Variants in TRIM55 observed in about 807,000 individuals in gnomAD.
TRIM55 encodes the protein tripartite motif containing 55.
TRIM55 carries 50 observed loss-of-function variants against 60.9 expected under a neutral mutation model. That is an observed-to-expected ratio of 0.82 (90% confidence interval 0.65 to 1.04). The LOEUF is 1.04. TRIM55 is among the 50% of genes least tolerant of loss of function. The pLI is 0.00. For missense variants in TRIM55, 681 were observed against 666.9 expected (o/e 1.02, Z -0.23); for synonymous variants, 237 against 238.1 (o/e 1.00, Z 0.04).
chr8:66,131,952 G>A (rs1272442081), intron 2 of TRIM55, among the ~76,000 whole-genome samples: 2 of 152,052 alleles, frequency 1.3e-5, no homozygotes, highest in African/African-American at 4.8e-5. Context: ...ATTTCACTGG[G>A]ATTTCAGCAG....
upstream of TRIM55, among the ~76,000 whole-genome samples, chr8:66,126,709 C>T (rs980894595): frequency 6.6e-6 from 1 of 152,092 alleles, no homozygotes; most frequent in African/African-American, 2.4e-5. Context: ...ATGTTTTGTT[C>T]ATTTTCACCT....
chr8:66,169,685 T>C (rs1480410732), intron 9 of TRIM55, among the ~76,000 whole-genome samples: 1 of 152,126 alleles, frequency 6.6e-6, no homozygotes, highest in Non-Finnish European at 1.5e-5. Context: ...AGCACAAAGA[T>C]AAATGGCAAC....
intron 4 of TRIM55, among the ~76,000 whole-genome samples, chr8:66,147,462 G>A (rs1258859936): frequency 6.6e-6 from 1 of 151,942 alleles, no homozygotes; most frequent in Non-Finnish European, 1.5e-5. Flanking sequence ...TCCATACTGA[G>A]AATAGTAGAG....
chr8:66,124,099 G>A (rs1229828443), upstream of TRIM55, among the ~76,000 whole-genome samples: 3 of 152,078 alleles, frequency 2.0e-5, no homozygotes, highest in Non-Finnish European at 4.4e-5. Flanking sequence ...TCATCTGTGT[G>A]GATTCTACTT....
At chr8:66,117,900 C>G in the TRIM55 span, among the ~76,000 whole-genome samples, 1 of 151,950 alleles carries the variant, frequency 6.6e-6, no homozygotes, top group Non-Finnish European at 1.5e-5. Context: ...GGCACGGTGG[C>G]TCAAGCCTGT....
chr8:66,169,799 C>G (rs577250233), intron 9 of TRIM55, among the ~76,000 whole-genome samples: 5 of 152,186 alleles, frequency 3.3e-5, no homozygotes, highest in Admixed American at 6.5e-5. Flanking sequence ...AGGCACAACA[C>G]TGCTTAGCTC....
At chr8:66,114,280 T>C in the TRIM55 span, among the ~76,000 whole-genome samples, 1 of 152,104 alleles carries the variant, frequency 6.6e-6, no homozygotes, top group Non-Finnish European at 1.5e-5. Flanking sequence ...TCCTGTCCCG[T>C]ACGGTTTTTC....
At chr8:66,164,650 G>A (rs1730454728) in intron 9 of TRIM55, among the ~76,000 whole-genome samples, 1 of 152,146 alleles carries the variant, frequency 6.6e-6, no homozygotes, top group Non-Finnish European at 1.5e-5. Context: ...CTCAGAGACA[G>A]CCTCAGGAAC....
At chr8:66,144,640 G>A (rs1302210242) in intron 4 of TRIM55, among the ~76,000 whole-genome samples, 3 of 152,174 alleles carry the variant, frequency 2.0e-5, no homozygotes, top group East Asian at 1.9e-4. Flanking sequence ...AGATAAACTC[G>A]AAAGCTCAAA....
intron 2 of TRIM55, among the ~76,000 whole-genome samples, chr8:66,130,196 C>T (rs915607574): frequency 1.3e-5 from 2 of 152,198 alleles, no homozygotes; most frequent in Admixed American, 6.5e-5. Flanking sequence ...ATGAAGTTGG[C>T]TTGGTGCAGC....
At chr8:66,137,370 A>G (rs543905398) in intron 4 of TRIM55, among the ~76,000 whole-genome samples, 180 bp downstream of exon 4, 2 of 152,332 alleles carry the variant, frequency 1.3e-5, no homozygotes, top group East Asian at 3.9e-4. Context: ...ACATTATCAC[A>G]TGAGTCACTG....
Position 66,153,919 on chromosome 8 carries a change from G to A in TRIM55, c.1237-128G>A, listed in dbSNP as rs867794459. 1.9e-5 allele frequency: 16 copies of A among 862,790 alleles called. 1 individual carries two copies. The Admixed American group carries it at 2.0e-4, about 11-fold the overall frequency. The allele number at this position is 862,790 out of a possible 1,614,324, so 53.4% of individuals were successfully genotyped here. A position where few individuals can be genotyped will look rare whatever the true frequency, so the allele number is the denominator to read the frequency against. On this transcript the variant is annotated intron_variant, in intron 8 of 9. Transcript: ENST00000315962. ...TCTGGAGGGTGGGATGAACTAAAACGGCCACCAAGGCACTGCATGCAGGGA... is the reference window on the plus strand; with the variant it reads ...TCTGGAGGGTGGGATGAACTAAAACAGCCACCAAGGCACTGCATGCAGGGA...
At chr8:66,137,214 G>T in intron 4 of TRIM55, 24 bp downstream of exon 4, 1 of 1,589,398 alleles carries the variant, frequency 6.3e-7, no homozygotes, top group South Asian at 1.1e-5. Flanking sequence ...CTCCCACAGC[G>T]TCTCAACCAA....
chr8:66,114,797 C>G, the TRIM55 span: 1 of 347,098 alleles, frequency 2.9e-6, no homozygotes, highest in South Asian at 2.2e-5. Flanking sequence ...GATAAAGTCC[C>G]TGGACACAGG....
chr8:66,152,903 TTGTGTGTGTGTGTGTGTGTGTGTG>T lies in TRIM55; in HGVS notation c.1236+296_1236+319del. On this transcript the variant is annotated intron_variant, in intron 8 of 9. Coordinates refer to ENST00000315962, the MANE Select transcript of TRIM55 (RefSeq NM_184085.2). ...ATCAAAGGCAATCTTTGTCTGGAAA[TTGTGTGTGTGTGTGTGTGTGTGTG>T]TGTGTGTGTGTGTGTGTGTCCATGT... Among the ~76,000 whole-genome samples the T allele has an allele frequency of 2.8e-5, 4 of 140,388 alleles. 1 individual carries two copies. Among genetic ancestry groups the T allele is most frequent in the Middle Eastern group, 7.1e-3 (2 of 282 alleles). The allele number at this position is 140,388 out of a possible 152,430, so 92.1% of individuals were successfully genotyped here.
chr8:66,154,380 G>C (rs1464459873), intron 9 of TRIM55, 46 bp downstream of exon 9: 2 of 1,591,728 alleles, frequency 1.3e-6, no homozygotes, highest in African/African-American at 2.7e-5. Context: ...CGCCCCCTAG[G>C]GTCCCACTGG....
At chr8:66,147,563 G>T (rs994775345) in intron 4 of TRIM55, among the ~76,000 whole-genome samples, 7 of 152,034 alleles carry the variant, frequency 4.6e-5, no homozygotes, top group Non-Finnish European at 8.8e-5. Flanking sequence ...TTGGGAGGCC[G>T]AGGCGGGTGG....
In TRIM55 at chr8:66,174,644, G is replaced by A; in HGVS notation, c.*51G>A. On this transcript the variant is annotated 3_prime_UTR_variant, in exon 10 of 10. Transcript: ENST00000315962. ...GTCTGCCTGGCTGAGATGCATGTGG[G>A]CAGCAGGAAGCCCAAGTGAAATTAA... 6.6e-7 allele frequency: 1 copy of A among 1,505,042 alleles called. No individual in the cohort carries two copies. Among genetic ancestry groups the A allele is most frequent in the Non-Finnish European group, 8.9e-7 (1 of 1,129,918 alleles). The allele number at this position is 1,505,042 out of a possible 1,614,324, so 93.2% of individuals were successfully genotyped here. A position where few individuals can be genotyped will look rare whatever the true frequency, so the allele number is the denominator to read the frequency against.
intron 4 of TRIM55, among the ~76,000 whole-genome samples, chr8:66,138,622 G>A (rs577596661): frequency 2.0e-5 from 3 of 152,212 alleles, no homozygotes; most frequent in East Asian, 1.9e-4. Flanking sequence ...AACTCCTGAC[G>A]TCCTGATCTG....
Sources: allele counts gnomAD v4.1 joint callset (sites outside exome capture counted in the v4.1 genomes callset), GRCh38; gene constraint gnomAD v4.1.1; transcripts MANE v1.5; gene names NCBI Gene and HGNC (gene_info 2026-07-23, HGNC 2026-07-21).